The following DSC3 variants were observed in gnomAD, a reference collection of about 807,000 sequenced individuals.
The protein encoded by DSC3 is desmocollin-3.
A neutral mutation model predicts 89.5 loss-of-function variants in DSC3; 97 were observed. That is an observed-to-expected ratio of 1.08 (90% confidence interval 0.92 to 1.28). The LOEUF (loss-of-function observed/expected upper bound fraction) is 1.28, where lower values mean the gene tolerates loss of function less well. DSC3 is among the 50% of genes most tolerant of loss of function. The pLI is 0.00. For missense variants in DSC3, 1,199 were observed against 1,085.3 expected, an observed-to-expected ratio of 1.10 and a Z score of -1.47; for synonymous variants, 436 against 384.1, an observed-to-expected ratio of 1.14 and a Z score of -1.58.
At chr18:30,997,867 T>C (rs1984529503) in intron 14 of DSC3, among the ~76,000 whole-genome samples, 2 of 152,090 alleles carry the variant, frequency 1.3e-5, no homozygotes, top group South Asian at 4.1e-4. Context: ...AGGCAACCAC[T>C]GTAGAAGGGT....
chr18:31,040,271 T>C (rs1239006898), intron 1 of DSC3, among the ~76,000 whole-genome samples: 2 of 152,096 alleles, frequency 1.3e-5, no homozygotes, highest in African/African-American at 4.8e-5. Flanking sequence ...TAATGTATAC[T>C]AGATAACATA....
chr18:31,036,868 C>T (rs1375795149), intron 1 of DSC3, among the ~76,000 whole-genome samples: 1 of 138,532 alleles, frequency 7.2e-6, no homozygotes, highest in African/African-American at 2.7e-5. Flanking sequence ...TCTCAGCTCA[C>T]TGAAACATCT....
At chr18:31,018,336 A>C in intron 8 of DSC3, 80 bp from the exon 9 acceptor site, 1 of 1,034,064 alleles carries the variant, frequency 9.7e-7, no homozygotes, top group Non-Finnish European at 1.4e-6. Flanking sequence ...CATTCCAAAA[A>C]TACTTACCAT....
At chr18:31,025,652 T>C (rs1013980108) in intron 5 of DSC3, 108 bp downstream of exon 5, 4 of 1,196,438 alleles carry the variant, frequency 3.3e-6, no homozygotes, top group African/African-American at 1.5e-5. Flanking sequence ...GACTCTAAGA[T>C]ACCCTCTAAG....
rs192094022 is a variant in DSC3 at position 31,037,857 on chromosome 18, G to A, written c.69+4735C>T. On this transcript the variant is annotated intron_variant, in intron 1 of 15. Transcript: ENST00000360428. ...GGAGGTTGCAGTGAGCCAACCTCCAGCCTGCACTCCAGCCTGGGGAACAGA... is the reference window on the plus strand; with the variant it reads ...GGAGGTTGCAGTGAGCCAACCTCCAACCTGCACTCCAGCCTGGGGAACAGA... Among the ~76,000 whole-genome samples the A allele has an allele frequency of 3.2e-3, 490 of 151,670 alleles. 2 individuals are homozygous for A. The highest frequency in any genetic ancestry group is 0.011 in the African/African-American group (465 of 41,180).
intron 1 of DSC3, among the ~76,000 whole-genome samples, chr18:31,036,794 C>CTTTCTTTCT (rs1409188790): frequency 1.4e-5 from 1 of 72,696 alleles, no homozygotes; most frequent in African/African-American, 5.4e-5. Flanking sequence ...TGCTTTCTTT[C>CTTTCTTTCT]TTCCTTTTTT....
chr18:31,024,138 G>A lies in DSC3; in HGVS notation c.775+211C>T, dbSNP rs1595357. On this transcript the variant is annotated intron_variant, in intron 6 of 15. Coordinates refer to ENST00000360428, the MANE Select transcript of DSC3 (RefSeq NM_001941.5). ...TGTTAGCTCCCTTTACAGTTAATTA[G>A]TATCATATTGACAATGACAGAAACT... Among the ~76,000 whole-genome samples, 35,314 of 151,928 alleles carry A rather than the reference G, an allele frequency of 0.23. 4,439 individuals carry two copies. Among genetic ancestry groups the A allele is most frequent in the Admixed American group, 0.36 (5,457 of 15,248 alleles).
Position 31,018,972 on chromosome 18 carries a change from G to A in DSC3, c.943-172C>T, listed in dbSNP as rs546224559. ...TAGGAATTTGGTAGACAAGGATAAA[G>A]CTGAAGAGGCAGGCAGAGATTAAAT... On this transcript the variant is annotated intron_variant, in intron 7 of 15. Coordinates refer to ENST00000360428, the MANE Select transcript of DSC3 (RefSeq NM_001941.5). Among the ~76,000 whole-genome samples the A allele has an allele frequency of 2.0e-5, 3 of 152,330 alleles. No individual in the cohort carries two copies. In the East Asian group the frequency reaches 5.8e-4, roughly 29 times the overall value.
At chr18:31,042,549 C>T in intron 1 of DSC3, 43 bp downstream of exon 1, 1 of 1,536,524 alleles carries the variant, frequency 6.5e-7, no homozygotes, top group East Asian at 2.5e-5. Context: ...GGCGGATCCA[C>T]CCCCGTCCCC....
chr18:31,022,421 T>C lies in DSC3; in HGVS notation c.857A>G (p.Gln286Arg). The change falls in exon 7 of 16, where the codon CAG becomes CGG. Residue 286 changes from glutamine (Q) to arginine (R), a missense_variant. Physicochemically the swap from Gln to Arg is conservative, Grantham distance 43. Transcript: ENST00000360428. ...MHTRLKYSIL[Q>R]QTPRSPGLFS... is the part of the protein sequence containing the mutation. ...GAGCCCAGGTGACCTTGGTGTCTGC[T>C]GCAAAATGCTGTATTTCAGGCGCGT... is the stretch of plus-strand genomic sequence containing the variant. The C allele has an allele frequency of 6.2e-7, 1 of 1,614,104 alleles. No individual in the cohort carries two copies.
rs757528527 is a variant in DSC3 at position 31,024,353 on chromosome 18, T to G, written c.771A>C (p.Arg257Ser). 1 of 1,601,142 alleles carries G rather than the reference T, an allele frequency of 6.2e-7. No individual in the cohort carries two copies. Among genetic ancestry groups the G allele is most frequent in the Admixed American group, 1.7e-5 (1 of 58,434 alleles). The change falls in exon 6 of 16, where the codon AGA (arginine) becomes AGC (serine). Residue 257 changes from arginine to serine, a missense_variant. Arg to Ser is a moderately radical substitution (Grantham distance 110). Transcript: ENST00000360428. ...IYNFEVLESS[R>S]PGTTVGVVCA... ...TATTCTTAAAAGCAGACTTACCAGG[T>G]CTACTACTTTCCAAAACTTCAAAAT...
chr18:31,014,438 G>C (rs907828638), intron 9 of DSC3, among the ~76,000 whole-genome samples: 4 of 152,042 alleles, frequency 2.6e-5, no homozygotes, highest in African/African-American at 9.7e-5. Flanking sequence ...AAGTAAAAGT[G>C]AGACGTTTTA....
At chr18:31,018,641 G>A in intron 8 of DSC3, 25 bp downstream of exon 8, 1 of 1,608,516 alleles carries the variant, frequency 6.2e-7, no homozygotes, top group South Asian at 1.1e-5. Flanking sequence ...TAAGACAGAG[G>A]CAGATTTTGA....
At position 30,989,716 on chromosome 18, in the gene DSC3, T is replaced by TA. The variant is rs1459242064; in HGVS notation, c.*4458dup. Among the ~76,000 whole-genome samples the TA allele has an allele frequency of 1.3e-5, 2 of 152,188 alleles. No homozygotes were observed. Among genetic ancestry groups the TA allele is most frequent in the Non-Finnish European group, 2.9e-5 (2 of 68,022 alleles). ...ATAAACTGTCGAATACAGAAGCCCG[T>TA]AAACATGTTCTGAATACTATTTAAT... is the stretch of plus-strand genomic sequence containing the variant. On this transcript the variant is annotated 3_prime_UTR_variant, in exon 16 of 16. Coordinates refer to ENST00000360428, the MANE Select transcript of DSC3 (RefSeq NM_001941.5).
chr18:30,996,803 G>A lies in DSC3; in HGVS notation c.2481C>T (p.Pro827=), dbSNP rs1984481843. 3 of 1,613,406 alleles carry A rather than the reference G, an allele frequency of 1.9e-6. No homozygotes were observed. Among genetic ancestry groups the A allele is most frequent in the Non-Finnish European group, 2.5e-6 (3 of 1,179,932 alleles). ...TYSEWHSFTQ[P]RLGEKLHRCN... ...TAAGGAAACTCACTTCACCGAGACG[G>A]GGTTGAGTAAAACTGTGCCACTCCG... is the stretch of plus-strand genomic sequence containing the variant. The change falls in exon 15 of 16, where the codon CCC becomes CCT. Residue 827 remains proline (P), a synonymous_variant. Coordinates refer to ENST00000360428, the MANE Select transcript of DSC3 (RefSeq NM_001941.5).
intron 1 of DSC3, among the ~76,000 whole-genome samples, chr18:31,034,432 G>C (rs752190338): frequency 5.3e-5 from 8 of 152,130 alleles, no homozygotes; most frequent in Non-Finnish European, 1.0e-4. Context: ...CTTTGCTGGA[G>C]GAAATGTAAA....
At chr18:30,998,156 A>G (rs966624059) in intron 14 of DSC3, among the ~76,000 whole-genome samples, 1 of 152,176 alleles carries the variant, frequency 6.6e-6, no homozygotes, top group Non-Finnish European at 1.5e-5. Flanking sequence ...GTTCATGGAG[A>G]TCAGATGGGG....
intron 14 of DSC3, 144 bp downstream of exon 14, chr18:31,001,472 CAT>C: frequency 1.1e-6 from 1 of 904,118 alleles, no homozygotes; most frequent in Non-Finnish European, 1.6e-6. Flanking sequence ...ACTATATAAA[CAT>C]ATGAATATTG....
At chr18:31,041,687 C>T (rs1319600443) in intron 1 of DSC3, among the ~76,000 whole-genome samples, 1 of 152,220 alleles carries the variant, frequency 6.6e-6, no homozygotes, top group African/African-American at 2.4e-5. Context: ...AACCGCGCCG[C>T]CAGAGTTCCG....
Sources: allele counts gnomAD v4.1 joint callset (sites outside exome capture counted in the v4.1 genomes callset), GRCh38; gene constraint gnomAD v4.1.1; transcripts MANE v1.5; gene names NCBI Gene and HGNC (gene_info 2026-07-23, HGNC 2026-07-21).